TBC1D19: variants seen among roughly 807,000 people sequenced by gnomAD.
TBC1D19 encodes TBC1 domain family member 19.
TBC1D19 carries 60 observed loss-of-function variants against 89.0 expected under a neutral mutation model. The observed-to-expected ratio is 0.67, with a 90% CI of 0.55 to 0.84. The LOEUF (loss-of-function observed/expected upper bound fraction) is 0.84, where lower values mean the gene tolerates loss of function less well. TBC1D19 is among the 40% of genes least tolerant of loss of function. TBC1D19 has a pLI of 0.00. For missense variants in TBC1D19, 500 were observed against 610.8 expected, an observed-to-expected ratio of 0.82 and a Z score of 1.91; for synonymous variants, 189 against 199.7, an observed-to-expected ratio of 0.95 and a Z score of 0.45.
rs1036166449 is a variant in TBC1D19, at chr4:26,627,435, T to C, written c.294+6747T>C. 2.7e-3 allele frequency among the ~76,000 whole-genome samples: 411 copies of C among 152,226 alleles called. 4 individuals carry two copies. Among genetic ancestry groups the C allele is most frequent in the African/African-American group, 9.2e-3 (381 of 41,566 alleles). ...TGGGATGGCTGGGTCAAATGGTATT[T>C]CTAGTTCTAGAACCCTGAGGAATCG... is the stretch of plus-strand genomic sequence containing the variant. On this transcript the variant is annotated intron_variant, in intron 4 of 20. Coordinates refer to ENST00000264866, the MANE Select transcript of TBC1D19 (RefSeq NM_018317.4).
At chr4:26,788,916 A>T in the TBC1D19 span, among the ~76,000 whole-genome samples, 1 of 152,232 alleles carries the variant, frequency 6.6e-6, no homozygotes, top group Non-Finnish European at 1.5e-5. Context: ...TCTTGGCTGA[A>T]CATTTCAGGG....
At chr4:26,807,936 G>A in the TBC1D19 span, among the ~76,000 whole-genome samples, 3 of 152,200 alleles carry the variant, frequency 2.0e-5, no homozygotes, top group African/African-American at 7.2e-5. Context: ...TTTAGTGACA[G>A]GGAAACTGAG....
intron 16 of TBC1D19, 54 bp from the exon 17 acceptor site, chr4:26,739,810 T>C: frequency 9.9e-7 from 1 of 1,006,708 alleles, no homozygotes; most frequent in South Asian, 2.0e-5. Context: ...TTTATAAATT[T>C]ATCTTAACAT....
intron 11 of TBC1D19, among the ~76,000 whole-genome samples, chr4:26,677,136 C>T (rs1367674860): frequency 6.6e-6 from 1 of 152,108 alleles, no homozygotes; most frequent in Non-Finnish European, 1.5e-5. Context: ...TGGTGTCATC[C>T]CTAGCTCCTG....
chr4:26,734,983 T>TATATGTATATATGTATACAC (rs1560503823), intron 15 of TBC1D19, among the ~76,000 whole-genome samples: 12 of 150,382 alleles, frequency 8.0e-5, no homozygotes, highest in Admixed American at 2.0e-4. Context: ...TACACATATG[T>TATATGTATATATGTATACAC]ATATGTATAT....
intron 7 of TBC1D19, among the ~76,000 whole-genome samples, chr4:26,651,554 A>G (rs1276408201): frequency 6.6e-6 from 1 of 152,136 alleles, no homozygotes; most frequent in Non-Finnish European, 1.5e-5. Flanking sequence ...ATTTTTGCAC[A>G]TTGATTTTGT....
intron 7 of TBC1D19, among the ~76,000 whole-genome samples, chr4:26,640,764 T>C (rs190537145): frequency 1.9e-3 from 286 of 152,344 alleles, no homozygotes; most frequent in African/African-American, 6.5e-3. Flanking sequence ...ATCCCATGCC[T>C]GGCTCAGCAG....
Position 26,673,778 on chromosome 4 carries a change from C to G in TBC1D19, c.706C>G (p.Leu236Val), listed in dbSNP as rs767405158. The G allele has an allele frequency of 1.9e-6, 3 of 1,599,122 alleles. No homozygotes were observed. Among genetic ancestry groups the G allele is most frequent in the Admixed American group, 3.3e-5 (2 of 59,730 alleles). The change falls in exon 11 of 21, where the codon CTA (leucine) becomes GTA (valine). Residue 236 changes from leucine to valine, a missense_variant and splice_region_variant. This residue lies in a region of TBC1D19 where 280 missense variants were observed against 291.7 expected (regional missense o/e 0.96). Transcript: ENST00000264866. ...NEHVRIGQKV[L>V]AEQDSAAAQQ... ...AGATTTTCATATACTTTTGATAGTT[C>G]TAGCAGAACAAGATAGTGCTGCTGC...
downstream of TBC1D19, among the ~76,000 whole-genome samples, chr4:26,761,073 C>T (rs1282505131): frequency 6.6e-6 from 1 of 152,132 alleles, no homozygotes; most frequent in Non-Finnish European, 1.5e-5. Flanking sequence ...TTTTGTCTAA[C>T]CTAATTTCAA....
intron 1 of TBC1D19, among the ~76,000 whole-genome samples, chr4:26,605,165 T>C (rs950949316): frequency 2.0e-5 from 3 of 150,568 alleles, no homozygotes; most frequent in South Asian, 2.1e-4. Context: ...AACTCGTCAT[T>C]TAGCATTAGG....
chr4:26,600,962 G>A (rs1740554119), intron 1 of TBC1D19, among the ~76,000 whole-genome samples: 1 of 152,126 alleles, frequency 6.6e-6, no homozygotes, highest in Non-Finnish European at 1.5e-5. Flanking sequence ...TTTTAATTGA[G>A]CCTCTCATCT....
chr4:26,796,553 C>T, the TBC1D19 span, among the ~76,000 whole-genome samples: 1 of 151,962 alleles, frequency 6.6e-6, no homozygotes, highest in African/African-American at 2.4e-5. Context: ...GAGAATCCTA[C>T]CCAGGAGTGG....
intron 13 of TBC1D19, among the ~76,000 whole-genome samples, chr4:26,698,117 C>G (rs573903134): frequency 2.0e-5 from 3 of 152,104 alleles, no homozygotes; most frequent in African/African-American, 7.2e-5. Flanking sequence ...AAAACCCCAT[C>G]GTCTCAGCCC....
the TBC1D19 span, among the ~76,000 whole-genome samples, chr4:26,782,462 C>A: frequency 6.6e-6 from 1 of 152,122 alleles, no homozygotes; most frequent in Non-Finnish European, 1.5e-5. Context: ...AGATGTGGAA[C>A]CAAATGGAAA....
the TBC1D19 span, among the ~76,000 whole-genome samples, chr4:26,774,794 T>C: frequency 6.6e-6 from 1 of 152,226 alleles, no homozygotes; most frequent in Non-Finnish European, 1.5e-5. Context: ...TATTTTTTTC[T>C]TGTCTGTTTG....
At chr4:26,686,994 G>A (rs538075812) in intron 12 of TBC1D19, among the ~76,000 whole-genome samples, 5 of 152,082 alleles carry the variant, frequency 3.3e-5, no homozygotes, top group African/African-American at 1.2e-4. Flanking sequence ...ACTGCTCGAT[G>A]GTAAACATTT....
At chr4:26,746,095 T>A (rs948091220) in intron 18 of TBC1D19, among the ~76,000 whole-genome samples, 4 of 152,160 alleles carry the variant, frequency 2.6e-5, no homozygotes, top group African/African-American at 9.7e-5. Context: ...ACTTTAAATA[T>A]TTTTTTCTGC....
chr4:26,735,313 AT>A, intron 15 of TBC1D19, 141 bp from the exon 16 acceptor site: 1 of 619,588 alleles, frequency 1.6e-6, no homozygotes, highest in Non-Finnish European at 2.8e-6. Context: ...ATTGTTTACT[AT>A]CACTAAGTCT....
the TBC1D19 span, among the ~76,000 whole-genome samples, chr4:26,849,809 C>T: frequency 6.6e-6 from 1 of 152,174 alleles, no homozygotes; most frequent in Non-Finnish European, 1.5e-5. Flanking sequence ...ATCCATTTCT[C>T]AGGTTTTAGG....
Sources: allele counts gnomAD v4.1 joint callset (sites outside exome capture counted in the v4.1 genomes callset), GRCh38; gene constraint gnomAD v4.1.1; regional missense constraint gnomAD v4.1.1; transcripts MANE v1.5; gene names NCBI Gene and HGNC (gene_info 2026-07-23, HGNC 2026-07-21).